Variants in ARMC1 observed in about 807,000 individuals in gnomAD.
ARMC1 encodes armadillo repeat containing 1.
ARMC1 carries 16 observed loss-of-function variants against 31.4 expected under a neutral mutation model. The observed-to-expected ratio is 0.51, with a 90% confidence interval of 0.34 to 0.77. The LOEUF (loss-of-function observed/expected upper bound fraction) is 0.77, where lower values mean the gene tolerates loss of function less well. Among genes scored for constraint, ARMC1 ranks in the 30% least tolerant of loss-of-function variants. The probability of loss-of-function intolerance (pLI) is 0.01; values close to 1 mark genes in which losing one functional copy is unlikely to be tolerated. For missense variants in ARMC1, 259 were observed against 347.5 expected, an observed-to-expected ratio of 0.75 and a Z score of 2.02; for synonymous variants, 114 against 118.9, an observed-to-expected ratio of 0.96 and a Z score of 0.27.
intron 3 of ARMC1, among the ~76,000 whole-genome samples, chr8:65,613,756 A>G (rs2129041886): frequency 6.6e-6 from 1 of 152,310 alleles, no homozygotes; most frequent in East Asian, 1.9e-4. Context: ...ACTTGAGGTC[A>G]GGAGTTCAAG....
chr8:65,626,672 G>A (rs1214095961), intron 2 of ARMC1, among the ~76,000 whole-genome samples: 1 of 152,070 alleles, frequency 6.6e-6, no homozygotes, highest in African/African-American at 2.4e-5. Context: ...ATTGTTAAAT[G>A]AAAAGGAAGT....
chr8:65,613,691 C>G (rs1461478114), intron 3 of ARMC1, among the ~76,000 whole-genome samples: 1 of 152,196 alleles, frequency 6.6e-6, no homozygotes, highest in South Asian at 2.1e-4. Context: ...TTTGGCCAGG[C>G]ACAGTGGCTC....
chr8:65,624,055 C>G (rs1808459793), intron 2 of ARMC1, among the ~76,000 whole-genome samples: 1 of 151,052 alleles, frequency 6.6e-6, no homozygotes, highest in Non-Finnish European at 1.5e-5. Context: ...GCCTCGGCCT[C>G]CCAAAGTGCT....
intron 4 of ARMC1, among the ~76,000 whole-genome samples, chr8:65,607,663 A>C (rs1808033557): frequency 6.6e-6 from 1 of 152,194 alleles, no homozygotes; most frequent in African/African-American, 2.4e-5. Context: ...TATTGTAAAA[A>C]TTAGTACATT....
In ARMC1 at chr8:65,602,976, C is replaced by T. The variant is rs1263381731; in HGVS notation, c.*1418G>A. On this transcript the variant is annotated 3_prime_UTR_variant, in exon 7 of 7. Transcript: ENST00000276569. ...GACTCTCACTGATGATGGTATTTTA[C>T]AATGAAAACACAAGGAAACCCTTTG... 2 of 152,008 alleles carry T rather than the reference C, an allele frequency of 1.3e-5. No homozygotes were observed. 9.4% of individuals were successfully genotyped at this position (152,008 alleles called of 1,614,324 possible).
At chr8:65,628,391 ATTTTTTTTTTT>A (rs763494218) in intron 1 of ARMC1, among the ~76,000 whole-genome samples, 1 of 78,812 alleles carries the variant, frequency 1.3e-5, no homozygotes, top group Non-Finnish European at 2.4e-5. Flanking sequence ...CGCCCGGCTA[ATTTTTTTTTTT>A]TTTTTTTTTT....
At chr8:65,622,735 G>A (rs1380690625) in intron 2 of ARMC1, among the ~76,000 whole-genome samples, 3 of 151,904 alleles carry the variant, frequency 2.0e-5, no homozygotes, top group Middle Eastern at 3.4e-3. Flanking sequence ...AGGTGGCGGG[G>A]GGAACGACGT....
At chr8:65,609,835 G>C (rs1399788842) in intron 4 of ARMC1, among the ~76,000 whole-genome samples, 1 of 144,978 alleles carries the variant, frequency 6.9e-6, no homozygotes, top group Admixed American at 7.1e-5. Context: ...TCCAGCCTGG[G>C]GGACAGAGCA....
chr8:65,609,857 C>CAAAAAAAAAA (rs35519675), intron 4 of ARMC1, among the ~76,000 whole-genome samples: 19 of 93,044 alleles, frequency 2.0e-4, no homozygotes, highest in South Asian at 3.6e-4. Flanking sequence ...GACTCTGTCT[C>CAAAAAAAAAA]AAAAAAAAAA....
intron 1 of ARMC1, among the ~76,000 whole-genome samples, chr8:65,631,722 A>T (rs1808648302): frequency 6.6e-6 from 1 of 152,176 alleles, no homozygotes; most frequent in Admixed American, 6.5e-5. Flanking sequence ...CACACACTCA[A>T]GCTGTTTGAT....
intron 3 of ARMC1, among the ~76,000 whole-genome samples, chr8:65,615,400 TAA>T (rs10612716): frequency 0.72 from 101,125 of 140,050 alleles, 37,781 homozygotes; most frequent in African/African-American, 0.81. Flanking sequence ...GAACTTAAGT[TAA>T]AAAAAAAAAA....
intron 4 of ARMC1, 21 bp from the exon 5 acceptor site, chr8:65,605,559 T>G (rs750898696): frequency 1.3e-6 from 2 of 1,528,156 alleles, no homozygotes; most frequent in South Asian, 2.2e-5. Context: ...AAAAGCAAAT[T>G]GTTATGAAAA....
intron 3 of ARMC1, among the ~76,000 whole-genome samples, chr8:65,616,415 G>A (rs1007141779): frequency 4.6e-5 from 7 of 152,214 alleles, no homozygotes; most frequent in East Asian, 3.9e-4. Context: ...GATGGCAGAC[G>A]GAGTCTGGTT....
In ARMC1 at chr8:65,627,270, G is replaced by C. The variant is rs1238781211; in HGVS notation, c.129C>G (p.Gly43=). The change falls in exon 2 of 7, where the codon GGC becomes GGG. Residue 43 remains glycine, a synonymous_variant. Coordinates refer to ENST00000276569, the MANE Select transcript of ARMC1 (RefSeq NM_018120.6). The part of the protein sequence containing the change: ...AIVQDQGCLP[G]LILFMDHPNP... ...TGGGATGGTCCATAAATAAAATAAG[G>C]CCAGGCAGACATCCCTGATCCTGGA... The C allele has an allele frequency of 3.1e-6, 5 of 1,612,222 alleles. No homozygotes were observed. The East Asian group carries it at 8.9e-5, about 29-fold the overall frequency.
chr8:65,605,718 A>C (rs1333332661), intron 4 of ARMC1, among the ~76,000 whole-genome samples, 180 bp from the exon 5 acceptor site: 1 of 152,232 alleles, frequency 6.6e-6, no homozygotes, highest in Non-Finnish European at 1.5e-5. Context: ...TTACAGGATC[A>C]ACAGAATAGT....
rs545343217 is a variant in ARMC1 at position 65,627,342 on chromosome 8, G to C, written c.57C>G (p.Asn19Lys). 3.1e-6 allele frequency: 5 copies of C among 1,612,970 alleles called. No homozygotes were observed. In the African/African-American group the frequency reaches 4.0e-5, roughly 13 times the overall value. Residue 19 changes from asparagine (N) to lysine (K), a missense_variant, in exon 2 of 7, where the codon AAC (asparagine) becomes AAG (lysine). Transcript: ENST00000276569. ...SEEPDALSVV[N>K]QLRDLAADPL... is the part of the protein sequence containing the mutation. ...GATCTGCTGCTAGATCCCGTAACTG[G>C]TTAACTACCGATAGAGCGTCAGGCT...
chr8:65,625,848 C>T (rs1209801319), intron 2 of ARMC1, among the ~76,000 whole-genome samples: 3 of 150,970 alleles, frequency 2.0e-5, no homozygotes, highest in East Asian at 1.9e-4. Flanking sequence ...AAGTAAAGGG[C>T]AATAGATAAA....
intron 3 of ARMC1, among the ~76,000 whole-genome samples, chr8:65,620,796 AT>A (rs1808376994): frequency 6.9e-6 from 1 of 145,222 alleles, no homozygotes; most frequent in Non-Finnish European, 1.5e-5. Context: ...ATTTAGTTCC[AT>A]TTAAAAAAAA....
At chr8:65,620,294 C>CTT (rs755112362) in intron 3 of ARMC1, among the ~76,000 whole-genome samples, 619 of 90,134 alleles carry the variant, frequency 6.9e-3, no homozygotes, top group Non-Finnish European at 9.2e-3. Flanking sequence ...ATTATTATTA[C>CTT]TTTTTTTTTT....
Sources: gnomAD v4.1 joint callset for allele counts (sites outside exome capture counted in the v4.1 genomes callset) on GRCh38, gnomAD v4.1.1 for gene constraint, MANE v1.5 for transcripts, NCBI Gene and HGNC (gene_info 2026-07-23, HGNC 2026-07-21) for gene names.